The following SPAG16 variants were observed in gnomAD, a reference collection of about 807,000 sequenced individuals.
SPAG16 encodes the protein sperm-associated antigen 16 protein.
SPAG16 carries 86 observed loss-of-function variants against 80.4 expected under a neutral mutation model. The observed-to-expected ratio is 1.07, with a 90% CI of 0.90 to 1.28. The LOEUF (loss-of-function observed/expected upper bound fraction) is 1.28. SPAG16 is among the 50% of genes most tolerant of loss of function. SPAG16 has a pLI of 0.00. For synonymous variants in SPAG16, 294 were observed against 265.9 expected, an observed-to-expected ratio of 1.11 and a Z score of -1.03; for missense variants, 870 against 765.3, an observed-to-expected ratio of 1.14 and a Z score of -1.61.
At chr2:214,238,276 A>G (rs997248318) in intron 15 of SPAG16, 2 of 297,320 alleles carry the variant, frequency 6.7e-6, no homozygotes, top group Admixed American at 9.4e-5. Context: ...CTCGTTTTCC[A>G]TCTGCTTGAG....
intron 11 of SPAG16, among the ~76,000 whole-genome samples, chr2:213,891,769 G>A (rs2076792759): frequency 1.3e-5 from 2 of 152,120 alleles, no homozygotes; most frequent in African/African-American, 2.4e-5. Flanking sequence ...TAAGGAGATG[G>A]TAAGATAATA....
intron 12 of SPAG16, among the ~76,000 whole-genome samples, chr2:213,969,073 A>G (rs2044874898): frequency 6.6e-6 from 1 of 152,216 alleles, no homozygotes; most frequent in Admixed American, 6.5e-5. Flanking sequence ...AAAGGGAAGA[A>G]AAATGGGAGC....
intron 11 of SPAG16, among the ~76,000 whole-genome samples, chr2:213,883,972 CTGCCTTTT>C (rs1328849637): frequency 1.3e-5 from 2 of 152,156 alleles, no homozygotes; most frequent in Non-Finnish European, 2.9e-5. Context: ...CCACCACTCT[CTGCCTTTT>C]AAGTGGGGTG....
intron 11 of SPAG16, among the ~76,000 whole-genome samples, chr2:213,879,206 T>C (rs954247227): frequency 2.0e-5 from 3 of 152,048 alleles, no homozygotes; most frequent in African/African-American, 7.2e-5. Flanking sequence ...GGTATTTTGA[T>C]AGAGATTGCA....
At chr2:213,614,542 A>G (rs866786887) in intron 10 of SPAG16, among the ~76,000 whole-genome samples, 4 of 152,178 alleles carry the variant, frequency 2.6e-5, no homozygotes, top group African/African-American at 4.8e-5. Flanking sequence ...CAGAGAATAA[A>G]TACCCATCAC....
intron 15 of SPAG16, among the ~76,000 whole-genome samples, chr2:214,315,486 C>A (rs1412719277): frequency 6.6e-6 from 1 of 151,176 alleles, no homozygotes; most frequent in East Asian, 1.9e-4. Flanking sequence ...TTCTTCCCCC[C>A]TCCAGCCCCA....
At chr2:213,377,649 CCCTCTTACTTTTT>C (rs1157580732) in intron 9 of SPAG16, among the ~76,000 whole-genome samples, 2 of 151,040 alleles carry the variant, frequency 1.3e-5, no homozygotes, top group Non-Finnish European at 3.0e-5. Context: ...CTTACTTTTT[CCCTCTTACTTTTT>C]CCTCTTACTT....
chr2:213,295,968 T>C (rs560422442), intron 1 of SPAG16, 96 bp from the exon 2 acceptor site: 4 of 979,614 alleles, frequency 4.1e-6, no homozygotes, highest in Admixed American at 1.9e-5. Flanking sequence ...CCTGGTGAGA[T>C]AGTTGAATCC....
intron 10 of SPAG16, among the ~76,000 whole-genome samples, chr2:213,743,893 A>G (rs1277221364): frequency 6.6e-6 from 1 of 152,028 alleles, no homozygotes; most frequent in Non-Finnish European, 1.5e-5. Flanking sequence ...TCTGTTCTTC[A>G]TGTATTTTAA....
At chr2:214,376,267 T>C (rs1410240843) in intron 15 of SPAG16, among the ~76,000 whole-genome samples, 2 of 152,176 alleles carry the variant, frequency 1.3e-5, no homozygotes, top group Non-Finnish European at 2.9e-5. Context: ...CAAATTAGAA[T>C]ACAAGAGACT....
At chr2:213,630,565 ACAATTTTAAGAGTAG>A (rs1434798005) in intron 10 of SPAG16, among the ~76,000 whole-genome samples, 21 of 152,310 alleles carry the variant, frequency 1.4e-4, no homozygotes, top group Non-Finnish European at 2.8e-4. Flanking sequence ...AAGTAATTCT[ACAATTTTAAGAGTAG>A]CAAAATGATG....
rs574455316 is a variant in SPAG16 at position 213,852,548 on chromosome 2, C to T, written c.1071-9937C>T. 4.6e-5 allele frequency among the ~76,000 whole-genome samples: 7 copies of T among 152,218 alleles called. No homozygotes were observed. The East Asian group carries it at 1.4e-3, about 29-fold the overall frequency. ...CTTCTGTCCCTTGAGTGCACCACCT[C>T]CTTGCAGCCTTAGCACTTTTGCACT... is the stretch of plus-strand genomic sequence containing the variant. On this transcript the variant is annotated intron_variant, in intron 10 of 15. Coordinates refer to ENST00000331683, the MANE Select transcript of SPAG16 (RefSeq NM_024532.5).
intron 10 of SPAG16, among the ~76,000 whole-genome samples, chr2:213,821,885 A>C (rs936958721): frequency 4.6e-5 from 7 of 152,064 alleles, no homozygotes; most frequent in Non-Finnish European, 1.0e-4. Flanking sequence ...ATGGGATCTC[A>C]TTTTTTTGTA....
chr2:213,371,335 T>G (rs1314683357), intron 8 of SPAG16, among the ~76,000 whole-genome samples: 1 of 140,810 alleles, frequency 7.1e-6, no homozygotes, highest in Non-Finnish European at 1.5e-5. Flanking sequence ...AACCAGGAGG[T>G]TGCAGTGAGC....
intron 12 of SPAG16, among the ~76,000 whole-genome samples, chr2:213,968,303 C>G (rs949343457): frequency 1.3e-5 from 2 of 151,924 alleles, no homozygotes; most frequent in Non-Finnish European, 2.9e-5. Flanking sequence ...GCCTCCCAAG[C>G]AGCTGGGATT....
chr2:213,544,157 A>G (rs189335060), intron 10 of SPAG16, among the ~76,000 whole-genome samples: 20 of 151,348 alleles, frequency 1.3e-4, no homozygotes, highest in East Asian at 1.2e-3. Context: ...TTTTTCTTCT[A>G]TATGGTCCCA....
chr2:214,385,457 G>A (rs1214714662), intron 15 of SPAG16, among the ~76,000 whole-genome samples: 1 of 152,122 alleles, frequency 6.6e-6, no homozygotes, highest in African/African-American at 2.4e-5. Flanking sequence ...TACCACCAAG[G>A]CATTCTGACT....
chr2:214,058,339 G>T (rs921800489), intron 13 of SPAG16, among the ~76,000 whole-genome samples: 1 of 152,150 alleles, frequency 6.6e-6, no homozygotes, highest in South Asian at 2.1e-4. Context: ...TCAGTGAATA[G>T]AAAGTCCCAA....
intron 10 of SPAG16, among the ~76,000 whole-genome samples, chr2:213,816,484 T>A (rs2072545555): frequency 6.6e-6 from 1 of 152,132 alleles, no homozygotes; most frequent in South Asian, 2.1e-4. Flanking sequence ...AGCTTTACTC[T>A]GTAATTTTTT....
Sources: allele counts gnomAD v4.1 joint callset (sites outside exome capture counted in the v4.1 genomes callset), GRCh38; gene constraint gnomAD v4.1.1; transcripts MANE v1.5; gene names NCBI Gene and HGNC (gene_info 2026-07-23, HGNC 2026-07-21).